ADAMTS18: variants seen among roughly 807,000 people sequenced by gnomAD.
ADAMTS18 encodes ADAM metallopeptidase with thrombospondin type 1 motif 18.
In ADAMTS18, 157 loss-of-function variants were observed where a neutral mutation model predicts 165.9. The observed-to-expected ratio is 0.95, with a 90% CI of 0.83 to 1.08. The LOEUF is 1.08. Among genes scored for constraint, ADAMTS18 ranks in the 50% least tolerant of loss-of-function variants. The pLI, the probability that ADAMTS18 is intolerant of heterozygous loss-of-function variation, is 0.00. For missense variants in ADAMTS18, 2,040 were observed against 1,534.0 expected (o/e 1.33, Z -5.51); for synonymous variants, 782 against 578.2 (o/e 1.35, Z -5.06).
chr16:77,351,515 C>A (rs937207117), intron 10 of ADAMTS18, among the ~76,000 whole-genome samples: 3 of 152,152 alleles, frequency 2.0e-5, no homozygotes, highest in Non-Finnish European at 2.9e-5. Flanking sequence ...ATTTTAGGAA[C>A]CTCCTTTGTA....
rs1268581022 is a variant in ADAMTS18, at chr16:77,291,433, A to T, written c.3235T>A (p.Cys1079Ser). The T allele has an allele frequency of 6.2e-7, 1 of 1,614,148 alleles. No homozygotes were observed. Among genetic ancestry groups the T allele is most frequent in the South Asian group, 1.1e-5 (1 of 91,078 alleles). Residue 1079 changes from cysteine (C) to serine (S), a missense_variant, in exon 21 of 23, where the codon TGC becomes AGC. Transcript: ENST00000282849. ...GLGVRKREMK[C>S]SEKGFQGKLI... The stretch of plus-strand genomic sequence containing the variant: ...TTTCCCTGGAAGCCCTTCTCGCTGC[A>T]CTTCATCTCCCTCTTCCTCACACCC...
intron 8 of ADAMTS18, among the ~76,000 whole-genome samples, chr16:77,357,246 C>G (rs74025952): frequency 6.6e-6 from 1 of 151,536 alleles, no homozygotes; most frequent in Non-Finnish European, 1.5e-5. Flanking sequence ...TTTTGTGACC[C>G]ATGTCTATAA....
intron 20 of ADAMTS18, 38 bp downstream of exon 20, chr16:77,293,037 TC>T: frequency 6.2e-7 from 1 of 1,612,862 alleles, no homozygotes; most frequent in South Asian, 1.1e-5. Context: ...GCCAGGATGG[TC>T]TCAATCTCCT....
intron 3 of ADAMTS18, among the ~76,000 whole-genome samples, chr16:77,374,919 T>C (rs138700564): frequency 8.3e-4 from 127 of 152,306 alleles, no homozygotes; most frequent in Admixed American, 2.0e-3. Flanking sequence ...AAAAGTATTA[T>C]TTTTCTGCTT....
intron 3 of ADAMTS18, among the ~76,000 whole-genome samples, chr16:77,387,263 A>T (rs1434200955): frequency 6.6e-6 from 1 of 152,196 alleles, no homozygotes; most frequent in African/African-American, 2.4e-5. Flanking sequence ...GCAGGAAGAA[A>T]AGTGGCTTTC....
chr16:77,365,166 G>A (rs1002532272), intron 4 of ADAMTS18, among the ~76,000 whole-genome samples: 6 of 98,016 alleles, frequency 6.1e-5, no homozygotes, highest in African/African-American at 9.4e-5. Context: ...GTGACAGAGT[G>A]AGATTTCATC....
intron 10 of ADAMTS18, among the ~76,000 whole-genome samples, chr16:77,350,745 G>A (rs1462552948): frequency 6.6e-6 from 1 of 152,032 alleles, no homozygotes. Flanking sequence ...TGGGTTTCTG[G>A]GTCCTAGCCC....
At chr16:77,367,762 T>A (rs753197638) in intron 3 of ADAMTS18, 39 bp from the exon 4 acceptor site, 1 of 1,613,830 alleles carries the variant, frequency 6.2e-7, no homozygotes, top group Non-Finnish European at 8.5e-7. Context: ...CATGATTCCA[T>A]GCATCCCTGT....
At chr16:77,359,958 T>C (rs2056688444) in intron 7 of ADAMTS18, among the ~76,000 whole-genome samples, 1 of 152,216 alleles carries the variant, frequency 6.6e-6, no homozygotes, top group African/African-American at 2.4e-5. Flanking sequence ...TATAATGTGG[T>C]AAGTGCTTCT....
Position 77,297,411 on chromosome 16 carries a change from G to GT in ADAMTS18, c.2678dup (p.Tyr893Ter). The GT allele has an allele frequency of 6.2e-7, 1 of 1,612,028 alleles. No individual in the cohort carries two copies. Among genetic ancestry groups the GT allele is most frequent in the East Asian group, 2.2e-5 (1 of 44,866 alleles). ...GCAAGCAAATGGCCTTTACATTTATGTAACCTGGTAAGACATCAGAAGTGA... is the reference window on the plus strand; with the variant it reads ...GCAAGCAAATGGCCTTTACATTTATGTTAACCTGGTAAGACATCAGAAGTGA... The part of the protein sequence containing the change: ...SECSVSCGGG[Y>*]INVKAICLRD... The change falls in exon 18 of 23, where the codon TAC becomes TAAC. Residue 893 changes from tyrosine to a stop codon, truncating the protein, a stop_gained and frameshift_variant. Coordinates refer to ENST00000282849, the MANE Select transcript of ADAMTS18 (RefSeq NM_199355.4). LOFTEE classifies it high-confidence loss of function.
intron 3 of ADAMTS18, among the ~76,000 whole-genome samples, chr16:77,368,729 C>T (rs115652755): frequency 0.011 from 1,629 of 151,970 alleles, 24 homozygotes; most frequent in African/African-American, 0.037. Flanking sequence ...TTCACAGTTG[C>T]TAAATCAATG....
intron 3 of ADAMTS18, among the ~76,000 whole-genome samples, chr16:77,381,394 C>G (rs1418816653): frequency 1.3e-5 from 2 of 152,172 alleles, no homozygotes; most frequent in African/African-American, 4.8e-5. Context: ...AAGGTCCTAG[C>G]CTCCCGCCAA....
At chr16:77,331,567 T>G (rs1320797985) in intron 12 of ADAMTS18, among the ~76,000 whole-genome samples, 1 of 152,182 alleles carries the variant, frequency 6.6e-6, no homozygotes, top group Admixed American at 6.6e-5. Context: ...ATTCAGTCAC[T>G]GGGCCTGATT....
intron 16 of ADAMTS18, among the ~76,000 whole-genome samples, chr16:77,305,844 C>T (rs1198980263): frequency 6.6e-6 from 1 of 152,184 alleles, no homozygotes; most frequent in African/African-American, 2.4e-5. Flanking sequence ...TGCTAACTTC[C>T]TCTACGAATG....
intron 22 of ADAMTS18, among the ~76,000 whole-genome samples, chr16:77,288,470 C>T (rs190038898): frequency 7.2e-4 from 109 of 152,006 alleles, no homozygotes; most frequent in Admixed American, 1.0e-3. Flanking sequence ...TATTTCCTGG[C>T]ATTTGTCAGA....
chr16:77,394,769 A>G (rs1223662067), intron 3 of ADAMTS18, among the ~76,000 whole-genome samples: 3 of 152,246 alleles, frequency 2.0e-5, no homozygotes, highest in Non-Finnish European at 2.9e-5. Flanking sequence ...ATAATAAACT[A>G]TAACTGATAA....
chr16:77,335,331 G>C (rs886523091), intron 12 of ADAMTS18, among the ~76,000 whole-genome samples: 10 of 151,118 alleles, frequency 6.6e-5, no homozygotes, highest in Non-Finnish European at 1.5e-4. Flanking sequence ...TGACAGAGCT[G>C]GGAAGGGTAG....
intron 3 of ADAMTS18, among the ~76,000 whole-genome samples, chr16:77,427,162 C>T (rs980917569): frequency 6.6e-6 from 1 of 152,186 alleles, no homozygotes; most frequent in African/African-American, 2.4e-5. Context: ...TCCAGCCTCC[C>T]TGAGCTTCTG....
At chr16:77,289,237 G>C (rs767299605) in intron 22 of ADAMTS18, 27 bp downstream of exon 22, 1 of 1,613,850 alleles carries the variant, frequency 6.2e-7, no homozygotes, top group Non-Finnish European at 8.5e-7. Context: ...GACTAGTAAA[G>C]TTGACTGGAG....
Sources: gnomAD v4.1 joint callset for allele counts (sites outside exome capture counted in the v4.1 genomes callset) on GRCh38, gnomAD v4.1.1 for gene constraint, MANE v1.5 for transcripts, NCBI Gene and HGNC (gene_info 2026-07-23, HGNC 2026-07-21) for gene names.